Variants in ZMYM4 observed in about 807,000 individuals in gnomAD.
ZMYM4 encodes zinc finger MYM-type containing 4, also known as zinc finger MYM-type protein 4.
ZMYM4 carries 31 observed loss-of-function variants against 183.2 expected under a neutral mutation model. The observed-to-expected ratio is 0.17, with a 90% confidence interval of 0.13 to 0.23. ZMYM4 has a LOEUF of 0.23. Ranked by LOEUF, ZMYM4 falls within the 10% of genes least tolerant of loss-of-function variation. The pLI, the probability that ZMYM4 is intolerant of heterozygous loss-of-function variation, is 1.00. For synonymous variants in ZMYM4, 592 were observed against 631.2 expected, an observed-to-expected ratio of 0.94 and a Z score of 0.93; for missense variants, 1,273 against 1,840.3, an observed-to-expected ratio of 0.69 and a Z score of 5.64.
intron 1 of ZMYM4, among the ~76,000 whole-genome samples, chr1:35,283,485 C>T (rs151057256): frequency 6.6e-6 from 1 of 151,382 alleles, no homozygotes. Context: ...CTACAGGCGC[C>T]CACCACCACA....
chr1:35,316,941 G>A (rs911416982), intron 1 of ZMYM4, among the ~76,000 whole-genome samples: 1 of 151,572 alleles, frequency 6.6e-6, no homozygotes, highest in African/African-American at 2.4e-5. Flanking sequence ...GGCCAACATG[G>A]TGAAACCCTG....
intron 28 of ZMYM4, 32 bp downstream of exon 28, chr1:35,415,746 GA>G: frequency 6.2e-7 from 1 of 1,602,522 alleles, no homozygotes; most frequent in Non-Finnish European, 8.5e-7. Flanking sequence ...ATTTCTCTTT[GA>G]AGTCTTAGTA....
At chr1:35,300,129 GAA>G (rs550357559) in intron 1 of ZMYM4, among the ~76,000 whole-genome samples, 253 of 152,252 alleles carry the variant, frequency 1.7e-3, no homozygotes, top group Non-Finnish European at 2.6e-3. Flanking sequence ...CTGCCACATA[GAA>G]AAAGAGTGGG....
At chr1:35,320,455 T>G (rs891542673) in intron 1 of ZMYM4, among the ~76,000 whole-genome samples, 1 of 152,200 alleles carries the variant, frequency 6.6e-6, no homozygotes, top group Non-Finnish European at 1.5e-5. Flanking sequence ...ATCAGGTTGT[T>G]CACCTGTATC....
chr1:35,333,174 A>G lies in ZMYM4; in HGVS notation c.85+7769A>G, dbSNP rs556627899. On this transcript the variant is annotated intron_variant, in intron 2 of 29. Coordinates refer to ENST00000314607, the MANE Select transcript of ZMYM4 (RefSeq NM_005095.3). ...AAAATAGCTTTAAAAATTTTATCCT[A>G]GAGGTTTGTGTTTGGATCTTCATGG... 1.2e-3 allele frequency among the ~76,000 whole-genome samples: 177 copies of G among 152,246 alleles called. 1 individual carries two copies. Among genetic ancestry groups the G allele is most frequent in the African/African-American group, 4.1e-3 (171 of 41,552 alleles).
At chr1:35,392,104 A>G (rs1344201023) in intron 15 of ZMYM4, 108 bp from the exon 16 acceptor site, 1 of 1,451,760 alleles carries the variant, frequency 6.9e-7, no homozygotes, top group East Asian at 2.3e-5. Flanking sequence ...TTTTGCTCCA[A>G]CAGAAATTAC....
chr1:35,270,294 GT>G, intron 1 of ZMYM4, among the ~76,000 whole-genome samples: 1 of 152,302 alleles, frequency 6.6e-6, no homozygotes, highest in South Asian at 2.1e-4. Context: ...CCACAGAGGA[GT>G]TTCTTTAATC....
At chr1:35,280,955 A>C (rs1471464403) in intron 1 of ZMYM4, among the ~76,000 whole-genome samples, 1 of 152,138 alleles carries the variant, frequency 6.6e-6, no homozygotes, top group Non-Finnish European at 1.5e-5. Context: ...CAAGGTCGGC[A>C]CCTCGATCCT....
intron 1 of ZMYM4, among the ~76,000 whole-genome samples, chr1:35,324,317 T>C (rs1642416479): frequency 6.6e-6 from 1 of 152,138 alleles, no homozygotes; most frequent in Admixed American, 6.6e-5. Flanking sequence ...CAGGATGGTC[T>C]TGATCTCCTG....
intron 2 of ZMYM4, among the ~76,000 whole-genome samples, chr1:35,326,863 T>G (rs908468298): frequency 2.6e-5 from 4 of 152,180 alleles, no homozygotes; most frequent in African/African-American, 9.7e-5. Context: ...AGTCATTTTT[T>G]TTCTCTCTTT....
intron 1 of ZMYM4, among the ~76,000 whole-genome samples, chr1:35,313,839 T>A (rs1641915866): frequency 6.6e-6 from 1 of 152,202 alleles, no homozygotes; most frequent in Admixed American, 6.5e-5. Flanking sequence ...GTATATAATA[T>A]GATCTATGTG....
chr1:35,375,604 A>G (rs1262880568), intron 7 of ZMYM4, among the ~76,000 whole-genome samples: 2 of 152,232 alleles, frequency 1.3e-5, no homozygotes, highest in African/African-American at 4.8e-5. Flanking sequence ...CAGTAGAAAT[A>G]TAACAGCAGC....
intron 1 of ZMYM4, among the ~76,000 whole-genome samples, chr1:35,304,874 T>G (rs149549409): frequency 6.6e-6 from 1 of 151,624 alleles, no homozygotes; most frequent in East Asian, 1.9e-4. Flanking sequence ...TTAGACAGAG[T>G]CTTGCTCTGT....
intron 2 of ZMYM4, among the ~76,000 whole-genome samples, chr1:35,349,937 T>C (rs1338461341): frequency 7.3e-6 from 1 of 137,552 alleles, no homozygotes; most frequent in Non-Finnish European, 1.5e-5. Flanking sequence ...TTTTAATTTA[T>C]ATAATTTAAT....
chr1:35,355,573 T>G (rs935056337), intron 2 of ZMYM4, among the ~76,000 whole-genome samples: 2 of 152,192 alleles, frequency 1.3e-5, no homozygotes, highest in Admixed American at 6.5e-5. Flanking sequence ...CTTTGTGATA[T>G]GAAATAAAAC....
intron 1 of ZMYM4, among the ~76,000 whole-genome samples, chr1:35,295,040 T>C (rs776580623): frequency 3.3e-5 from 5 of 152,228 alleles, no homozygotes; most frequent in Admixed American, 1.3e-4. Context: ...TGAGGAACCA[T>C]TGTAGGTACG....
At chr1:35,416,189 GAAT>G (rs1640107155) in intron 28 of ZMYM4, among the ~76,000 whole-genome samples, 1 of 152,120 alleles carries the variant, frequency 6.6e-6, no homozygotes, top group Non-Finnish European at 1.5e-5. Flanking sequence ...GTACACAATA[GAAT>G]AATAGCAGTG....
intron 2 of ZMYM4, among the ~76,000 whole-genome samples, chr1:35,344,678 C>A (rs963580461): frequency 6.6e-6 from 1 of 151,928 alleles, no homozygotes; most frequent in African/African-American, 2.4e-5. Flanking sequence ...TGGGATAAAT[C>A]TTACTTATGA....
chr1:35,322,369 T>C (rs1198956224), intron 1 of ZMYM4, among the ~76,000 whole-genome samples: 3 of 152,228 alleles, frequency 2.0e-5, no homozygotes, highest in African/African-American at 7.2e-5. Flanking sequence ...ATCTTTTTCA[T>C]GAAGATCTCT....
Sources: allele counts gnomAD v4.1 joint callset (sites outside exome capture counted in the v4.1 genomes callset), GRCh38; gene constraint gnomAD v4.1.1; transcripts MANE v1.5; gene names NCBI Gene and HGNC (gene_info 2026-07-23, HGNC 2026-07-21).